The following RBM6 variants were observed in gnomAD, a reference collection of about 807,000 sequenced individuals.
RBM6 encodes the protein RNA-binding protein 6.
RBM6 carries 23 observed loss-of-function variants against 140.4 expected under a neutral mutation model. The observed-to-expected ratio is 0.16, with a 90% CI of 0.12 to 0.23. The LOEUF (loss-of-function observed/expected upper bound fraction) is 0.23, where lower values mean the gene tolerates loss of function less well. RBM6 is among the 10% of genes least tolerant of loss of function. The pLI, the probability that RBM6 is intolerant of heterozygous loss-of-function variation, is 1.00. For synonymous variants in RBM6, 439 were observed against 475.6 expected, an observed-to-expected ratio of 0.92 and a Z score of 1.00; for missense variants, 1,139 against 1,386.7, an observed-to-expected ratio of 0.82 and a Z score of 2.84.
At chr3:50,048,811 CT>C (rs899339057) in intron 7 of RBM6, among the ~76,000 whole-genome samples, 1 of 151,036 alleles carries the variant, frequency 6.6e-6, no homozygotes, top group Non-Finnish European at 1.5e-5. Flanking sequence ...AGGCTATACT[CT>C]TTTTTTTTGA....
At chr3:49,959,571 G>A (rs1344428528) in intron 1 of RBM6, among the ~76,000 whole-genome samples, 2 of 114,210 alleles carry the variant, frequency 1.8e-5, no homozygotes, top group Non-Finnish European at 3.6e-5. Flanking sequence ...TATATTTAGG[G>A]TTTTTTTTTT....
intron 1 of RBM6, among the ~76,000 whole-genome samples, chr3:49,959,559 T>A (rs1251404455): frequency 6.7e-6 from 1 of 148,540 alleles, no homozygotes; most frequent in Non-Finnish European, 1.5e-5. Context: ...TGGTTGGCAA[T>A]TTATATTTAG....
intron 1 of RBM6, among the ~76,000 whole-genome samples, chr3:49,955,409 T>C (rs1484907467): frequency 6.6e-6 from 1 of 151,440 alleles, no homozygotes; most frequent in Admixed American, 6.6e-5. Context: ...TATATATATA[T>C]TTTTTGAAAC....
chr3:50,044,026 G>A (rs1017745932), intron 6 of RBM6, among the ~76,000 whole-genome samples: 1 of 151,992 alleles, frequency 6.6e-6, no homozygotes, highest in Non-Finnish European at 1.5e-5. Context: ...GACTGCAGGT[G>A]TATATCACCG....
At chr3:50,018,597 T>A (rs1033723518) in intron 6 of RBM6, among the ~76,000 whole-genome samples, 1 of 136,200 alleles carries the variant, frequency 7.3e-6, no homozygotes, top group Non-Finnish European at 1.6e-5. Flanking sequence ...TTTTTTTTTT[T>A]TTTTTTTTTT....
At chr3:50,033,739 G>T (rs1006792780) in intron 6 of RBM6, among the ~76,000 whole-genome samples, 1 of 152,132 alleles carries the variant, frequency 6.6e-6, no homozygotes, top group Non-Finnish European at 1.5e-5. Context: ...CTGCCTCCCA[G>T]GTTCAAGTAA....
chr3:50,036,451 C>T (rs1483985533), intron 6 of RBM6, among the ~76,000 whole-genome samples: 3 of 152,120 alleles, frequency 2.0e-5, no homozygotes, highest in African/African-American at 7.2e-5. Context: ...TGTCTTCTCC[C>T]TAACTCCTGG....
At chr3:50,047,022 T>C (rs12495114) in intron 6 of RBM6, 20,830 of 260,758 alleles carry the variant, frequency 0.08, 908 homozygotes, top group African/African-American at 0.1. Context: ...TCATTGTCCT[T>C]AGCCTTGAGA....
intron 6 of RBM6, among the ~76,000 whole-genome samples, chr3:50,046,808 G>A (rs1380746261): frequency 6.6e-6 from 1 of 152,148 alleles, no homozygotes; most frequent in African/African-American, 2.4e-5. Flanking sequence ...AAATGAAACA[G>A]GAGATCCCTT....
chr3:49,958,054 A>G (rs2084082565), intron 1 of RBM6, among the ~76,000 whole-genome samples: 1 of 151,358 alleles, frequency 6.6e-6, no homozygotes, highest in South Asian at 2.1e-4. Flanking sequence ...CTGGTCTTGA[A>G]CTCCTGACCT....
intron 6 of RBM6, among the ~76,000 whole-genome samples, chr3:50,037,508 A>G (rs2088614596): frequency 6.6e-6 from 1 of 152,182 alleles, no homozygotes; most frequent in African/African-American, 2.4e-5. Context: ...TCAAGGCACT[A>G]TTTCTGCAGA....
chr3:49,971,743 T>C (rs35065728), intron 3 of RBM6, among the ~76,000 whole-genome samples: 71,296 of 151,706 alleles, frequency 0.47, 17,398 homozygotes, highest in Non-Finnish European at 0.51. Flanking sequence ...CCATGTTGGC[T>C]AGGCTGAGAA....
At position 50,023,925 on chromosome 3, in the gene RBM6, G is replaced by C. The variant is rs376080508; in HGVS notation, c.1558-24320G>C. Among the ~76,000 whole-genome samples the C allele has an allele frequency of 3.3e-3, 499 of 152,214 alleles. 4 individuals are homozygous for C. Among genetic ancestry groups the C allele is most frequent in the African/African-American group, 0.012 (488 of 41,522 alleles). On this transcript the variant is annotated intron_variant, in intron 6 of 20. Transcript: ENST00000266022. ...AGCCTCCCAAAGTGCTGGGATTACA[G>C]GTGTGAGCCACTGCTCCCAGCCGGG...
intron 6 of RBM6, among the ~76,000 whole-genome samples, chr3:50,038,350 T>A (rs1411229780): frequency 6.6e-6 from 1 of 152,162 alleles, no homozygotes; most frequent in Non-Finnish European, 1.5e-5. Flanking sequence ...CAAAGCAAAT[T>A]AAGAAGCTTT....
rs199684826 is a variant in RBM6, at chr3:49,969,451, A to ATG, written c.1323+717_1323+718dup. The stretch of plus-strand genomic sequence containing the variant: ...AAGGTCCTCAGCTCAGATCATATAT[A>ATG]TGTGTGTGTGTGTGTATATATATAT... On this transcript the variant is annotated intron_variant, in intron 3 of 20. Transcript: ENST00000266022. Among the ~76,000 whole-genome samples the ATG allele has an allele frequency of 3.6e-3, 533 of 146,042 alleles. 3 individuals carry two copies. Among genetic ancestry groups the ATG allele is most frequent in the African/African-American group, 0.012 (471 of 40,066 alleles).
chr3:50,031,963 C>T (rs920253518), intron 6 of RBM6, among the ~76,000 whole-genome samples: 13 of 152,106 alleles, frequency 8.5e-5, no homozygotes, highest in African/African-American at 2.9e-4. Context: ...TAAATAAATA[C>T]ACCTACTATG....
In RBM6 at chr3:50,008,198, C is replaced by T. The variant is rs368033704; in HGVS notation, c.1557+8685C>T. Among the ~76,000 whole-genome samples the T allele has an allele frequency of 4.6e-5, 7 of 152,256 alleles. No individual in the cohort carries two copies. The South Asian group carries it at 6.2e-4, about 14-fold the overall frequency. The stretch of plus-strand genomic sequence containing the variant: ...TCTAAACGACTCATTTTAATTCTCT[C>T]GAATTTGAAAAATAAACATTTATCA... On this transcript the variant is annotated intron_variant, in intron 6 of 20. Transcript: ENST00000266022.
intron 6 of RBM6, among the ~76,000 whole-genome samples, chr3:50,045,380 A>G (rs1022721981): frequency 4.6e-5 from 7 of 152,312 alleles, no homozygotes; most frequent in South Asian, 2.1e-4. Flanking sequence ...CTCCAGAGCC[A>G]CTGTGTACCA....
At chr3:49,996,011 T>C (rs1408198794) in intron 5 of RBM6, among the ~76,000 whole-genome samples, 1 of 152,212 alleles carries the variant, frequency 6.6e-6, no homozygotes, top group Non-Finnish European at 1.5e-5. Flanking sequence ...TATGTCCACC[T>C]GTGCTTATTT....
Sources: allele counts gnomAD v4.1 joint callset (sites outside exome capture counted in the v4.1 genomes callset), GRCh38; gene constraint gnomAD v4.1.1; transcripts MANE v1.5; gene names NCBI Gene and HGNC (gene_info 2026-07-23, HGNC 2026-07-21).